The following MARCHF4 variants were observed in gnomAD, a reference collection of about 807,000 sequenced individuals.
The protein encoded by MARCHF4 is membrane associated ring-CH-type finger 4.
A neutral mutation model predicts 43.9 loss-of-function variants in MARCHF4; 14 were observed. That is an observed-to-expected ratio of 0.32 (90% CI 0.21 to 0.50). MARCHF4 has a LOEUF of 0.50. Among genes scored for constraint, MARCHF4 ranks in the 20% least tolerant of loss-of-function variants. MARCHF4 has a pLI of 0.98. For missense variants in MARCHF4, 468 were observed against 536.7 expected (o/e 0.87, Z 1.27); for synonymous variants, 226 against 213.3 (o/e 1.06, Z -0.52).
chr2:216,270,211 G>C (rs185822546), intron 3 of MARCHF4, among the ~76,000 whole-genome samples: 2 of 152,154 alleles, frequency 1.3e-5, no homozygotes, highest in East Asian at 3.9e-4. Flanking sequence ...GAGTAACTGG[G>C]ACTGCAGGTG....
chr2:216,259,960 C>A (rs1690714993), intron 3 of MARCHF4, among the ~76,000 whole-genome samples: 1 of 152,222 alleles, frequency 6.6e-6, no homozygotes, highest in Non-Finnish European at 1.5e-5. Context: ...AATCCAAATT[C>A]ATCCACTAAG....
intron 2 of MARCHF4, among the ~76,000 whole-genome samples, chr2:216,278,205 C>T (rs1424448565): frequency 6.7e-6 from 1 of 149,718 alleles, no homozygotes; most frequent in African/African-American, 2.4e-5. Flanking sequence ...TGTTCTAGGC[C>T]CCCAGATGAT....
At chr2:216,283,856 G>T in intron 1 of MARCHF4, 127 bp from the exon 2 acceptor site, 1 of 1,004,086 alleles carries the variant, frequency 1.0e-6, no homozygotes, top group Non-Finnish European at 1.4e-6. Context: ...TTTGTTTGGG[G>T]GCACCAGACT....
chr2:216,340,036 A>G (rs1040444800), intron 1 of MARCHF4, among the ~76,000 whole-genome samples: 1 of 151,930 alleles, frequency 6.6e-6, no homozygotes, highest in East Asian at 1.9e-4. Context: ...GAGAAGCTGA[A>G]TTTCCAGCCG....
At chr2:216,314,959 T>A (rs564893902) in intron 1 of MARCHF4, among the ~76,000 whole-genome samples, 1 of 152,308 alleles carries the variant, frequency 6.6e-6, no homozygotes, top group South Asian at 2.1e-4. Flanking sequence ...TCAGACGACA[T>A]CAGAATTTTT....
At chr2:216,273,466 C>A (rs1690971625) in intron 3 of MARCHF4, among the ~76,000 whole-genome samples, 1 of 152,206 alleles carries the variant, frequency 6.6e-6, no homozygotes, top group Non-Finnish European at 1.5e-5. Context: ...AATTGCTCCA[C>A]CCATCCGAGG....
intron 1 of MARCHF4, among the ~76,000 whole-genome samples, chr2:216,354,947 CTTTCTTTCTTTCTTTCTTTCTTTCTT>C (rs1692470436): frequency 1.4e-5 from 2 of 140,296 alleles, no homozygotes; most frequent in South Asian, 4.8e-4. Flanking sequence ...TTCTTTCTTT[CTTTCTTTCTTTCTTTCTTTCTTTCTT>C]TCTTTCTTTC....
rs1247452259 is a variant in MARCHF4 at position 216,370,202 on chromosome 2, T to C, written c.59A>G (p.Tyr20Cys). 3 of 1,612,176 alleles carry C rather than the reference T, an allele frequency of 1.9e-6. No homozygotes were observed. The highest frequency in any genetic ancestry group is 2.2e-5 in the South Asian group (2 of 90,862). ...WWWWCCCSGW[Y>C]CYGLCAPAPQ... The stretch of plus-strand genomic sequence containing the variant: ...GGCTGGGGCACACAATCCATAGCAG[T>C]ACCAGCCGGAGCAGCAGCACCACCA... The change falls in exon 1 of 4, where the codon TAC (tyrosine) becomes TGC (cysteine). Residue 20 changes from tyrosine (Y) to cysteine (C), a missense_variant. Physicochemically the swap from Tyr to Cys is radical, Grantham distance 194. This residue lies in a region of MARCHF4 where 190 missense variants were observed against 158.5 expected (regional missense o/e 1.20). Transcript: ENST00000273067.
intron 1 of MARCHF4, among the ~76,000 whole-genome samples, chr2:216,322,856 T>A (rs116110552): frequency 6.6e-6 from 1 of 152,262 alleles, no homozygotes; most frequent in Non-Finnish European, 1.5e-5. Flanking sequence ...GATACACAGG[T>A]GACCCAGCTG....
At chr2:216,357,115 C>G (rs1014349183) in intron 1 of MARCHF4, among the ~76,000 whole-genome samples, 2 of 152,096 alleles carry the variant, frequency 1.3e-5, no homozygotes, top group African/African-American at 4.8e-5. Context: ...AACCATAGTA[C>G]AATGACCCAA....
At chr2:216,315,074 A>G (rs1448184789) in intron 1 of MARCHF4, among the ~76,000 whole-genome samples, 1 of 152,230 alleles carries the variant, frequency 6.6e-6, no homozygotes, top group East Asian at 1.9e-4. Context: ...CTAGATTGAA[A>G]GTACTTAAAA....
intron 1 of MARCHF4, among the ~76,000 whole-genome samples, chr2:216,329,214 A>T (rs1309326554): frequency 6.6e-6 from 1 of 152,152 alleles, no homozygotes; most frequent in Non-Finnish European, 1.5e-5. Context: ...CCCCGTCTCT[A>T]CTAAAAATAC....
chr2:216,342,161 G>C (rs543786023), intron 1 of MARCHF4, among the ~76,000 whole-genome samples: 1 of 152,184 alleles, frequency 6.6e-6, no homozygotes, highest in Non-Finnish European at 1.5e-5. Flanking sequence ...CAAAGAAAAT[G>C]TATCTTTGCC....
At chr2:216,339,966 C>T (rs1257062113) in intron 1 of MARCHF4, among the ~76,000 whole-genome samples, 1 of 152,020 alleles carries the variant, frequency 6.6e-6, no homozygotes, top group African/African-American at 2.4e-5. Flanking sequence ...GCAGCTGGCT[C>T]CCTCCCTGCT....
Position 216,259,311 on chromosome 2 carries a change from C to T in MARCHF4, c.*1G>A. On this transcript the variant is annotated 3_prime_UTR_variant, in exon 4 of 4. Coordinates refer to ENST00000273067, the MANE Select transcript of MARCHF4 (RefSeq NM_020814.3). ...ATGGCCTTCCTTCCGGGCCTCTGCT[C>T]TCACACTGTCGTGACTCTCATGACC... is the stretch of plus-strand genomic sequence containing the variant. The T allele has an allele frequency of 1.3e-6, 2 of 1,530,708 alleles. No homozygotes were observed. Among genetic ancestry groups the T allele is most frequent in the Non-Finnish European group, 8.8e-7 (1 of 1,137,128 alleles). 94.8% of individuals were successfully genotyped at this position (1,530,708 alleles called of 1,614,324 possible).
intron 1 of MARCHF4, among the ~76,000 whole-genome samples, chr2:216,305,488 T>C (rs1691571237): frequency 6.6e-6 from 1 of 152,184 alleles, no homozygotes; most frequent in South Asian, 2.1e-4. Context: ...GCTCCGGCTC[T>C]AACGCTAAGA....
At chr2:216,351,567 A>G (rs1273418600) in intron 1 of MARCHF4, 1 of 152,268 alleles carries the variant, frequency 6.6e-6, no homozygotes, top group Non-Finnish European at 1.5e-5. Flanking sequence ...CAGTTCAGCC[A>G]AGGGGCCAAG....
In MARCHF4 at chr2:216,270,407, C is replaced by T. The variant is rs112308141; in HGVS notation, c.865+7265G>A. 9.4e-3 allele frequency among the ~76,000 whole-genome samples: 1,432 copies of T among 152,138 alleles called. 12 individuals carry two copies. The highest frequency in any genetic ancestry group is 0.027 in the Middle Eastern group (8 of 294). On this transcript the variant is annotated intron_variant, in intron 3 of 3. Coordinates refer to ENST00000273067, the MANE Select transcript of MARCHF4 (RefSeq NM_020814.3). ...AGATTTTTAACCCTCTTTTATCACCCGCCCCAACCCCATCAGTCACCAACC... is the reference window on the plus strand; with the variant it reads ...AGATTTTTAACCCTCTTTTATCACCTGCCCCAACCCCATCAGTCACCAACC...
rs139076117 is a variant in MARCHF4 at position 216,266,803 on chromosome 2, G to C, written c.866-7124C>G. On this transcript the variant is annotated intron_variant, in intron 3 of 3. Coordinates refer to ENST00000273067, the MANE Select transcript of MARCHF4 (RefSeq NM_020814.3). Reference sequence around the variant, plus strand: ...AACCGGCTATTTTGGGTGAGTTCAGGGGGTACTGCTGGGAAAGGCCAGGTT... The same window carrying C: ...AACCGGCTATTTTGGGTGAGTTCAGCGGGTACTGCTGGGAAAGGCCAGGTT... Among the ~76,000 whole-genome samples, 6 of 152,300 alleles carry C rather than the reference G, an allele frequency of 3.9e-5. No individual in the cohort carries two copies. In the East Asian group the frequency reaches 9.6e-4, roughly 24 times the overall value.
Sources: gnomAD v4.1 joint callset for allele counts (sites outside exome capture counted in the v4.1 genomes callset) on GRCh38, gnomAD v4.1.1 for gene constraint, gnomAD v4.1.1 regional missense constraint, MANE v1.5 for transcripts, NCBI Gene and HGNC (gene_info 2026-07-23, HGNC 2026-07-21) for gene names.